Variants in PAK5 observed in about 807,000 individuals in gnomAD.
PAK5 encodes the protein serine/threonine-protein kinase PAK 5.
Under a neutral mutation model 65.9 loss-of-function variants are expected in PAK5, and 16 were observed. That is an observed-to-expected ratio of 0.24 (90% CI 0.16 to 0.37). The LOEUF is 0.37. Ranked by LOEUF, PAK5 falls within the 10% of genes least tolerant of loss-of-function variation. The pLI, the probability that PAK5 is intolerant of heterozygous loss-of-function variation, is 1.00. For synonymous variants in PAK5, 371 were observed against 354.9 expected (o/e 1.05, Z -0.51); for missense variants, 785 against 903.9 (o/e 0.87, Z 1.69).
At chr20:9,546,734 G>T (rs1368311035) in intron 7 of PAK5, among the ~76,000 whole-genome samples, 2 of 152,302 alleles carry the variant, frequency 1.3e-5, no homozygotes, top group East Asian at 3.9e-4. Flanking sequence ...ACCGGGAGTT[G>T]CTGTTGTGCT....
intron 1 of PAK5, among the ~76,000 whole-genome samples, chr20:9,782,853 C>G (rs529602762): frequency 6.6e-6 from 1 of 151,994 alleles, no homozygotes; most frequent in Non-Finnish European, 1.5e-5. Flanking sequence ...CCACCATCGT[C>G]AAACATTTTC....
chr20:9,605,325 A>C (rs1393905564), intron 3 of PAK5, among the ~76,000 whole-genome samples: 1 of 152,210 alleles, frequency 6.6e-6, no homozygotes, highest in Non-Finnish European at 1.5e-5. Flanking sequence ...GCATGAGATG[A>C]GTCCACCAAA....
chr20:9,556,619 T>C (rs913163032), intron 7 of PAK5, among the ~76,000 whole-genome samples: 1 of 152,212 alleles, frequency 6.6e-6, no homozygotes, highest in Non-Finnish European at 1.5e-5. Flanking sequence ...AACTCTTCCA[T>C]TTAACTAAGC....
chr20:9,651,791 C>T (rs960814631), intron 2 of PAK5, among the ~76,000 whole-genome samples: 8 of 152,072 alleles, frequency 5.3e-5, no homozygotes, highest in African/African-American at 1.9e-4. Context: ...AGCAGGAGGT[C>T]ACTTATTAGA....
intron 1 of PAK5, among the ~76,000 whole-genome samples, chr20:9,725,284 G>A (rs998029022): frequency 1.1e-4 from 16 of 152,090 alleles, no homozygotes; most frequent in African/African-American, 3.9e-4. Flanking sequence ...GTCAAGGTGG[G>A]AATATATCAT....
At chr20:9,803,885 C>G (rs1034866786) in intron 1 of PAK5, among the ~76,000 whole-genome samples, 6 of 152,010 alleles carry the variant, frequency 3.9e-5, no homozygotes, top group African/African-American at 9.7e-5. Flanking sequence ...TGTAAGGCAC[C>G]ATAAATGAGC....
chr20:9,573,548 G>A (rs1246742759), intron 4 of PAK5, among the ~76,000 whole-genome samples: 1 of 152,094 alleles, frequency 6.6e-6, no homozygotes, highest in African/African-American at 2.4e-5. Flanking sequence ...GTGTAATCAA[G>A]GACCTAACTG....
chr20:9,599,297 G>A (rs1045054570), intron 3 of PAK5, among the ~76,000 whole-genome samples: 11 of 152,256 alleles, frequency 7.2e-5, no homozygotes, highest in Admixed American at 3.9e-4. Flanking sequence ...TTTGGCTGTC[G>A]TGAATAATGC....
At chr20:9,551,825 AATCTGTTTCTT>A (rs1197722181) in intron 7 of PAK5, among the ~76,000 whole-genome samples, 1 of 152,226 alleles carries the variant, frequency 6.6e-6, no homozygotes, top group African/African-American at 2.4e-5. Context: ...GGGGCCCAGG[AATCTGTTTCTT>A]GTCAAGCTTT....
intron 3 of PAK5, among the ~76,000 whole-genome samples, chr20:9,592,637 T>C (rs1036168677): frequency 3.9e-5 from 6 of 152,226 alleles, no homozygotes; most frequent in African/African-American, 1.4e-4. Context: ...CCAGCAAATA[T>C]GCAGCACTCT....
chr20:9,593,839 T>G (rs1047705940), intron 3 of PAK5, among the ~76,000 whole-genome samples: 8 of 152,174 alleles, frequency 5.3e-5, no homozygotes, highest in South Asian at 2.1e-4. Flanking sequence ...TCTCTCTCTC[T>G]CTCTCTCCCC....
chr20:9,741,221 C>G (rs1483770780), intron 1 of PAK5, among the ~76,000 whole-genome samples: 1 of 151,856 alleles, frequency 6.6e-6, no homozygotes, highest in Non-Finnish European at 1.5e-5. Flanking sequence ...CGTTTGCTTA[C>G]AGAGAATAGA....
chr20:9,740,881 C>T (rs2048443758), intron 1 of PAK5, among the ~76,000 whole-genome samples: 1 of 152,220 alleles, frequency 6.6e-6, no homozygotes, highest in Non-Finnish European at 1.5e-5. Flanking sequence ...ACTGATAGGG[C>T]ACACATGCTC....
intron 4 of PAK5, among the ~76,000 whole-genome samples, chr20:9,572,781 G>A (rs1181699782): frequency 6.6e-6 from 1 of 152,214 alleles, no homozygotes; most frequent in Non-Finnish European, 1.5e-5. Flanking sequence ...TGCAATGTAA[G>A]AGAAAAAACA....
chr20:9,606,008 C>T (rs1207261222), intron 3 of PAK5, among the ~76,000 whole-genome samples: 1 of 152,156 alleles, frequency 6.6e-6, no homozygotes, highest in Non-Finnish European at 1.5e-5. Context: ...ACTTAAATTT[C>T]TGGATGCTTA....
At chr20:9,658,048 CT>C (rs2047292965) in intron 2 of PAK5, among the ~76,000 whole-genome samples, 2 of 152,276 alleles carry the variant, frequency 1.3e-5, no homozygotes, top group Middle Eastern at 3.4e-3. Context: ...CACAGTAAGT[CT>C]TTTAGCGAAG....
At chr20:9,763,163 A>G (rs995710131) in intron 1 of PAK5, among the ~76,000 whole-genome samples, 4 of 152,180 alleles carry the variant, frequency 2.6e-5, no homozygotes, top group African/African-American at 4.8e-5. Context: ...TTTTACTTAT[A>G]CAAGATAAAT....
rs146561302 is a variant in PAK5 at position 9,815,052 on chromosome 20, G to A, written c.-162+23710C>T. On this transcript the variant is annotated intron_variant, in intron 1 of 9. Transcript: ENST00000353224. ...TGTGCAGAGATCATGTGGCAAGAGGGGAAGCAAAAGAGAAAGGAGGAGATG... is the reference window on the plus strand; with the variant it reads ...TGTGCAGAGATCATGTGGCAAGAGGAGAAGCAAAAGAGAAAGGAGGAGATG... 2.9e-4 allele frequency among the ~76,000 whole-genome samples: 44 copies of A among 152,184 alleles called. No individual in the cohort carries two copies. The East Asian group carries it at 6.2e-3, about 21-fold the overall frequency.
At chr20:9,606,233 G>A (rs1039607169) in intron 3 of PAK5, among the ~76,000 whole-genome samples, 7 of 152,050 alleles carry the variant, frequency 4.6e-5, no homozygotes, top group South Asian at 2.1e-4. Flanking sequence ...ACCTCCTGCC[G>A]CCCTCTCTTC....
Sources: gnomAD v4.1 joint callset for allele counts (sites outside exome capture counted in the v4.1 genomes callset) on GRCh38, gnomAD v4.1.1 for gene constraint, MANE v1.5 for transcripts, NCBI Gene and HGNC (gene_info 2026-07-23, HGNC 2026-07-21) for gene names.